Variants in INPP4B observed in about 807,000 individuals in gnomAD.
INPP4B encodes inositol polyphosphate 4-phosphatase type II.
INPP4B carries 55 observed loss-of-function variants against 122.5 expected under a neutral mutation model. The observed-to-expected ratio is 0.45, with a 90% CI of 0.36 to 0.56. The LOEUF (loss-of-function observed/expected upper bound fraction) is 0.56, where lower values mean the gene tolerates loss of function less well. INPP4B is among the 20% of genes least tolerant of loss of function. The probability of loss-of-function intolerance (pLI) is 0.00; values close to 1 mark genes in which losing one functional copy is unlikely to be tolerated. For missense variants in INPP4B, 1,000 were observed against 1,097.7 expected (o/e 0.91, Z 1.26); for synonymous variants, 403 against 388.7 (o/e 1.04, Z -0.43).
chr4:142,509,965 G>A (rs1400467990), intron 2 of INPP4B, among the ~76,000 whole-genome samples: 1 of 152,052 alleles, frequency 6.6e-6, no homozygotes, highest in Non-Finnish European at 1.5e-5. Flanking sequence ...TAAATAATGA[G>A]GAAATAAATG....
chr4:142,333,023 AAAAAC>A (rs1775263559), intron 7 of INPP4B, among the ~76,000 whole-genome samples: 3 of 150,526 alleles, frequency 2.0e-5, no homozygotes, highest in Non-Finnish European at 3.0e-5. Context: ...AAAAAAAAAA[AAAAAC>A]AAAAAAAAAA....
chr4:142,537,413 TATATATATATATATATAGAGAGAGAG>T (rs1828343560), intron 2 of INPP4B, among the ~76,000 whole-genome samples: 1 of 44,602 alleles, frequency 2.2e-5, no homozygotes, highest in Non-Finnish European at 4.8e-5. Flanking sequence ...TATATATATA[TATATATATATATATATAGAGAGAGAG>T]AGAGAGAGAG....
intron 21 of INPP4B, among the ~76,000 whole-genome samples, chr4:142,121,048 G>A (rs1172537684): frequency 6.6e-6 from 1 of 152,048 alleles, no homozygotes; most frequent in Non-Finnish European, 1.5e-5. Flanking sequence ...GGCCTGGTAA[G>A]CTTCCCTTAA....
intron 2 of INPP4B, among the ~76,000 whole-genome samples, chr4:142,490,305 T>A (rs1488205437): frequency 6.6e-6 from 1 of 152,018 alleles, no homozygotes; most frequent in African/African-American, 2.4e-5. Context: ...CTGGGGCTGG[T>A]CTCAAACTCC....
At position 142,512,373 on chromosome 4, in the gene INPP4B, C is replaced by T. The variant is rs79198169; in HGVS notation, c.-190-49647G>A. Among the ~76,000 whole-genome samples the T allele has an allele frequency of 7.2e-3, 1,101 of 152,286 alleles. 14 individuals carry two copies. The highest frequency in any genetic ancestry group is 0.025 in the African/African-American group (1,041 of 41,568). On this transcript the variant is annotated intron_variant, in intron 2 of 25. Transcript: ENST00000262992. ...AGGTCAAAGATTATGATCTCATCTA[C>T]ATACTCACTATAAACCCGATATTAC... is the stretch of plus-strand genomic sequence containing the variant.
intron 2 of INPP4B, among the ~76,000 whole-genome samples, chr4:142,659,506 C>T (rs1754773385): frequency 6.6e-6 from 1 of 151,970 alleles, no homozygotes; most frequent in Non-Finnish European, 1.5e-5. Context: ...TAATTTTTTG[C>T]CTACATTTGA....
At chr4:142,725,228 CAT>C (rs2150858108) in intron 2 of INPP4B, among the ~76,000 whole-genome samples, 1 of 152,150 alleles carries the variant, frequency 6.6e-6, no homozygotes, top group South Asian at 2.1e-4. Flanking sequence ...AAATAATTCA[CAT>C]AGTGATTTGA....
At chr4:142,164,210 G>T (rs1009897965) in intron 16 of INPP4B, among the ~76,000 whole-genome samples, 2 of 151,804 alleles carry the variant, frequency 1.3e-5, no homozygotes, top group African/African-American at 4.8e-5. Context: ...AGAATTTCTA[G>T]TTTTCTGAAT....
At chr4:142,423,912 AAT>A (rs1580014421) in intron 5 of INPP4B, 3 of 351,058 alleles carry the variant, frequency 8.5e-6, no homozygotes, top group East Asian at 1.6e-4. Context: ...ATTTGAGGAG[AAT>A]ACTGTTTTCA....
At chr4:142,187,512 CTG>C (rs898786391) in intron 15 of INPP4B, among the ~76,000 whole-genome samples, 1 of 151,576 alleles carries the variant, frequency 6.6e-6, no homozygotes, top group Non-Finnish European at 1.5e-5. Flanking sequence ...GTGTGTGTGT[CTG>C]TGTGTGTATA....
intron 2 of INPP4B, among the ~76,000 whole-genome samples, chr4:142,536,944 G>A (rs745624350): frequency 1.3e-5 from 2 of 152,026 alleles, no homozygotes; most frequent in Non-Finnish European, 2.9e-5. Context: ...CTACAGGCAC[G>A]TGCTAGCATA....
intron 7 of INPP4B, among the ~76,000 whole-genome samples, chr4:142,339,314 G>T (rs933743389): frequency 1.3e-5 from 2 of 152,186 alleles, no homozygotes; most frequent in African/African-American, 4.8e-5. Flanking sequence ...CCATGCTTGT[G>T]TGCAAAAGGA....
chr4:142,220,909 ATTGGATTAGG>A (rs1950888319), intron 12 of INPP4B, among the ~76,000 whole-genome samples: 1 of 152,032 alleles, frequency 6.6e-6, no homozygotes, highest in Non-Finnish European at 1.5e-5. Flanking sequence ...CATCAGTCAG[ATTGGATTAGG>A]GCCCACCCTA....
At chr4:142,484,410 T>A (rs1205861951) in intron 2 of INPP4B, among the ~76,000 whole-genome samples, 1 of 152,094 alleles carries the variant, frequency 6.6e-6, no homozygotes. Flanking sequence ...TGTATATAGC[T>A]TATCTTTAAG....
At chr4:142,514,826 C>T (rs1476248824) in intron 2 of INPP4B, among the ~76,000 whole-genome samples, 1 of 138,868 alleles carries the variant, frequency 7.2e-6, no homozygotes, top group Non-Finnish European at 1.5e-5. Context: ...GACGAAGTCT[C>T]ACTCTGTCAC....
At chr4:142,189,147 G>T (rs1393834070) in intron 15 of INPP4B, among the ~76,000 whole-genome samples, 1 of 152,138 alleles carries the variant, frequency 6.6e-6, no homozygotes. Flanking sequence ...TTTTTGCCCT[G>T]TGACTGTGTA....
intron 2 of INPP4B, among the ~76,000 whole-genome samples, chr4:142,599,155 C>A (rs1271838530): frequency 1.3e-5 from 2 of 152,306 alleles, no homozygotes; most frequent in East Asian, 3.9e-4. Flanking sequence ...ATCACCTACA[C>A]CACAATGGTT....
rs1478550176 is a variant in INPP4B at position 142,028,590 on chromosome 4, A to AT, written c.*191dup. ...AAATGACAGTACTGAATCATGTAAG[A>AT]TTTTTTAAAATGGATTTCTTTCAGA... On this transcript the variant is annotated 3_prime_UTR_variant, in exon 26 of 26. Coordinates refer to ENST00000262992, the MANE Select transcript of INPP4B (RefSeq NM_001101669.3). 8 of 582,224 alleles carry AT rather than the reference A, an allele frequency of 1.4e-5. No individual in the cohort carries two copies. Among genetic ancestry groups the AT allele is most frequent in the South Asian group, 9.9e-5 (4 of 40,402 alleles). The allele number at this position is 582,224 out of a possible 1,614,324, so 36.1% of individuals were successfully genotyped here.
intron 1 of INPP4B, among the ~76,000 whole-genome samples, chr4:142,811,570 T>C (rs1779521054): frequency 1.3e-5 from 2 of 152,184 alleles, no homozygotes; most frequent in African/African-American, 4.8e-5. Flanking sequence ...ATTGATACAA[T>C]CAAAAAATCA....
Sources: gnomAD v4.1 joint callset for allele counts (sites outside exome capture counted in the v4.1 genomes callset) on GRCh38, gnomAD v4.1.1 for gene constraint, MANE v1.5 for transcripts, NCBI Gene and HGNC (gene_info 2026-07-23, HGNC 2026-07-21) for gene names.